The following KCNH8 variants were observed in gnomAD, a reference collection of about 807,000 sequenced individuals.
The protein encoded by KCNH8 is voltage-gated delayed rectifier potassium channel KCNH8.
In KCNH8, 70 loss-of-function variants were observed where a neutral mutation model predicts 103.6. The ratio of observed to expected loss-of-function variants is 0.68; its 90% confidence interval spans 0.56 to 0.82. The LOEUF (loss-of-function observed/expected upper bound fraction) is 0.82, where lower values mean the gene tolerates loss of function less well. Among genes scored for constraint, KCNH8 ranks in the 40% least tolerant of loss-of-function variants. The pLI is 0.00. For missense variants in KCNH8, 1,217 were observed against 1,329.9 expected (o/e 0.92, Z 1.32); for synonymous variants, 498 against 489.4 (o/e 1.02, Z -0.23).
At chr3:19,359,415 A>G (rs1215211066) in intron 5 of KCNH8, among the ~76,000 whole-genome samples, 3 of 152,046 alleles carry the variant, frequency 2.0e-5, no homozygotes, top group Admixed American at 2.0e-4. Context: ...AAATAAAAAT[A>G]GCTATAATAA....
intron 15 of KCNH8, among the ~76,000 whole-genome samples, chr3:19,523,316 T>A (rs1003950160): frequency 6.6e-6 from 1 of 152,024 alleles, no homozygotes; most frequent in Non-Finnish European, 1.5e-5. Context: ...TTTTATATCA[T>A]CACTATGACC....
chr3:19,503,053 T>C (rs1223429223), intron 11 of KCNH8, among the ~76,000 whole-genome samples: 1 of 151,452 alleles, frequency 6.6e-6, no homozygotes, highest in Non-Finnish European at 1.5e-5. Context: ...ATATCCAGAA[T>C]CTACAATGAA....
rs764052449 is a variant in KCNH8 at position 19,377,437 on chromosome 3, A to G, written c.812-13044A>G. 5.5e-4 allele frequency among the ~76,000 whole-genome samples: 84 copies of G among 152,322 alleles called. No individual in the cohort carries two copies. The Middle Eastern group carries it at 0.02, about 37-fold the overall frequency. ...TAAGAGTCCAAGGGTGGTTATAGCC[A>G]TTTAAATCAGACGTAGGGACAATTT... On this transcript the variant is annotated intron_variant, in intron 5 of 15. Coordinates refer to ENST00000328405, the MANE Select transcript of KCNH8 (RefSeq NM_144633.3).
At chr3:19,297,235 C>G (rs975454092) in intron 3 of KCNH8, among the ~76,000 whole-genome samples, 3 of 152,262 alleles carry the variant, frequency 2.0e-5, no homozygotes, top group African/African-American at 7.2e-5. Flanking sequence ...GAAGCAGCCA[C>G]CGGCTGAGAA....
At chr3:19,178,450 T>C (rs2063421042) in intron 1 of KCNH8, among the ~76,000 whole-genome samples, 1 of 152,114 alleles carries the variant, frequency 6.6e-6, no homozygotes, top group Non-Finnish European at 1.5e-5. Flanking sequence ...TTTCTTTTCC[T>C]CAAGATACAC....
At chr3:19,340,358 T>G (rs77735068) in intron 3 of KCNH8, among the ~76,000 whole-genome samples, 1 of 54,552 alleles carries the variant, frequency 1.8e-5, no homozygotes, top group African/African-American at 8.8e-5. Context: ...TTTTTTTTAA[T>G]TTTTTTTTTT....
At chr3:19,525,226 AAAAG>A (rs1204196342) in intron 15 of KCNH8, among the ~76,000 whole-genome samples, 2 of 151,828 alleles carry the variant, frequency 1.3e-5, no homozygotes, top group South Asian at 2.1e-4. Context: ...TCAAAATAAA[AAAAG>A]AAATTTCAAA....
chr3:19,374,348 C>G (rs1034560247), intron 5 of KCNH8, among the ~76,000 whole-genome samples: 2 of 151,612 alleles, frequency 1.3e-5, no homozygotes, highest in Non-Finnish European at 2.9e-5. Context: ...GAATTGATCC[C>G]TTTACCATTA....
At chr3:19,385,366 A>G (rs1456230768) in intron 5 of KCNH8, among the ~76,000 whole-genome samples, 1 of 152,216 alleles carries the variant, frequency 6.6e-6, no homozygotes, top group Non-Finnish European at 1.5e-5. Context: ...ACATGAAAAA[A>G]TAACTACCTA....
intron 1 of KCNH8, among the ~76,000 whole-genome samples, chr3:19,222,545 C>T (rs1355498703): frequency 2.0e-5 from 3 of 152,120 alleles, no homozygotes. Flanking sequence ...CATTTCCAGT[C>T]ATCAATCTAA....
chr3:19,234,741 C>A (rs938394377), intron 1 of KCNH8, among the ~76,000 whole-genome samples: 2 of 152,266 alleles, frequency 1.3e-5, no homozygotes, highest in Non-Finnish European at 2.9e-5. Flanking sequence ...AAAGTAGGAG[C>A]CCAGGCAGAG....
intron 7 of KCNH8, among the ~76,000 whole-genome samples, chr3:19,421,335 A>G (rs969838936): frequency 2.0e-5 from 3 of 152,090 alleles, no homozygotes; most frequent in South Asian, 4.1e-4. Flanking sequence ...CTCCCATTTT[A>G]AGATGTTTTT....
intron 9 of KCNH8, chr3:19,450,588 T>TA (rs1404104219): frequency 1.7e-5 from 7 of 412,264 alleles, no homozygotes; most frequent in East Asian, 5.3e-5. Context: ...AATCAATTCT[T>TA]ACGATAATTT....
chr3:19,205,374 TC>T (rs773575814), intron 1 of KCNH8, among the ~76,000 whole-genome samples: 3 of 152,088 alleles, frequency 2.0e-5, no homozygotes, highest in Non-Finnish European at 2.9e-5. Context: ...TTAGAAAATA[TC>T]CTAGAGTTAC....
At position 19,174,569 on chromosome 3, in the gene KCNH8, A is replaced by G. The variant is rs529265724; in HGVS notation, c.76+25774A>G. 1.1e-3 allele frequency among the ~76,000 whole-genome samples: 163 copies of G among 152,326 alleles called. 1 individual carries two copies. Among genetic ancestry groups the G allele is most frequent in the African/African-American group, 3.8e-3 (159 of 41,586 alleles). Reference sequence around the variant, plus strand: ...ATATTAATTATAGTTTACATTCTCAATCTTAAGAACTAAATTAAAACTGAA... The same window carrying G: ...ATATTAATTATAGTTTACATTCTCAGTCTTAAGAACTAAATTAAAACTGAA... On this transcript the variant is annotated intron_variant, in intron 1 of 15. Transcript: ENST00000328405.
intron 10 of KCNH8, among the ~76,000 whole-genome samples, chr3:19,453,874 C>G (rs2067488867): frequency 6.6e-6 from 1 of 152,020 alleles, no homozygotes; most frequent in South Asian, 2.1e-4. Flanking sequence ...TGATTATTTT[C>G]AAAATTAAAG....
At position 19,253,709 on chromosome 3, in the gene KCNH8, C is replaced by T. The variant is rs1287884829; in HGVS notation, c.132C>T (p.Tyr44=). ...AQVAKGFPIV[Y]CSDGFCELAG... ...TGGCTAAGGGTTTCCCCATAGTCTA[C>T]TGTTCCGATGGCTTCTGCGAGCTTG... The change falls in exon 2 of 16, where the codon TAC becomes TAT. Residue 44 remains tyrosine (Y), a synonymous_variant. Coordinates refer to ENST00000328405, the MANE Select transcript of KCNH8 (RefSeq NM_144633.3). The T allele has an allele frequency of 1.2e-6, 2 of 1,613,660 alleles. No homozygotes were observed. The highest frequency in any genetic ancestry group is 1.3e-5 in the African/African-American group (1 of 74,808).
chr3:19,427,673 A>C (rs1016180043), intron 7 of KCNH8, among the ~76,000 whole-genome samples: 1 of 152,154 alleles, frequency 6.6e-6, no homozygotes, highest in African/African-American at 2.4e-5. Context: ...AAAAGGTCTT[A>C]TGTTACCAAA....
intron 8 of KCNH8, among the ~76,000 whole-genome samples, chr3:19,442,501 G>A (rs1355661828): frequency 6.6e-6 from 1 of 152,166 alleles, no homozygotes; most frequent in East Asian, 1.9e-4. Context: ...TTCTCTGTAG[G>A]TAGGTGCGAC....
Sources: gnomAD v4.1 joint callset for allele counts (sites outside exome capture counted in the v4.1 genomes callset) on GRCh38, gnomAD v4.1.1 for gene constraint, MANE v1.5 for transcripts, NCBI Gene and HGNC (gene_info 2026-07-23, HGNC 2026-07-21) for gene names.